Variants in DSG1 observed in about 807,000 individuals in gnomAD.
DSG1 encodes the protein desmoglein-1.
Under a neutral mutation model 97.5 loss-of-function variants are expected in DSG1, and 39 were observed. The observed-to-expected ratio is 0.40, with a 90% CI of 0.31 to 0.52. The LOEUF (loss-of-function observed/expected upper bound fraction) is 0.52. DSG1 is among the 20% of genes least tolerant of loss of function. The pLI is 0.53. For missense variants in DSG1, 1,311 were observed against 1,295.4 expected, an observed-to-expected ratio of 1.01 and a Z score of -0.18; for synonymous variants, 475 against 443.4, an observed-to-expected ratio of 1.07 and a Z score of -0.90.
Position 31,336,523 on chromosome 18 carries a change from A to G in DSG1, c.1175A>G (p.Tyr392Cys), listed in dbSNP as rs2071754563. Residue 392 changes from tyrosine (Y) to cysteine (C), a missense_variant, in exon 9 of 15, where the codon TAT becomes TGT. Tyr to Cys is a radical substitution (Grantham distance 194). Transcript: ENST00000257192. ...GPVFRPGSKT[Y>C]VVTGNMGSND... Reference sequence around the variant, plus strand: ...GTGTTTCGTCCAGGTTCAAAGACATATGTTGTAACTGGTAATATGGGATCA... The same window carrying G: ...GTGTTTCGTCCAGGTTCAAAGACATGTGTTGTAACTGGTAATATGGGATCA... 6.2e-7 allele frequency: 1 copy of G among 1,613,996 alleles called. No homozygotes were observed. Among genetic ancestry groups the G allele is most frequent in the Non-Finnish European group, 8.5e-7 (1 of 1,179,906 alleles).
rs2071981815 is a variant in DSG1 at position 31,359,114 on chromosome 18, T to C, written c.*3768T>C. Among the ~76,000 whole-genome samples, 1 of 152,184 alleles carries C rather than the reference T, an allele frequency of 6.6e-6. No homozygotes were observed. The highest frequency in any genetic ancestry group is 2.4e-5 in the African/African-American group (1 of 41,460). On this transcript the variant is annotated 3_prime_UTR_variant, in exon 15 of 15. Transcript: ENST00000257192. ...TGGTGGTGTTTAACACAAGGTTCTC[T>C]TATTCAAGTTTCAATATAAAAGTTT...
At chr18:31,338,206 C>A in intron 9 of DSG1, 109 bp from the exon 10 acceptor site, 1 of 1,167,270 alleles carries the variant, frequency 8.6e-7, no homozygotes, top group South Asian at 1.4e-5. Flanking sequence ...TAATTGAAAA[C>A]TGTATCTAGG....
chr18:31,342,784 A>T (rs2071798049), intron 11 of DSG1, among the ~76,000 whole-genome samples: 1 of 152,210 alleles, frequency 6.6e-6, no homozygotes, highest in Non-Finnish European at 1.5e-5. Flanking sequence ...AGAGAACACA[A>T]AGGATCAAAT....
intron 1 of DSG1, among the ~76,000 whole-genome samples, chr18:31,319,289 A>T (rs2071639436): frequency 6.6e-6 from 1 of 152,172 alleles, no homozygotes; most frequent in Non-Finnish European, 1.5e-5. Flanking sequence ...GCTTGGCAGG[A>T]TGTATAGTGC....
intron 11 of DSG1, among the ~76,000 whole-genome samples, chr18:31,341,099 G>T (rs944647417): frequency 6.6e-6 from 1 of 152,194 alleles, no homozygotes; most frequent in Non-Finnish European, 1.5e-5. Context: ...TCTCCAGGTG[G>T]CTGTTAACAT....
intron 14 of DSG1, among the ~76,000 whole-genome samples, chr18:31,349,205 C>T (rs1431594026): frequency 7.2e-6 from 1 of 138,108 alleles, no homozygotes; most frequent in Admixed American, 7.3e-5. Flanking sequence ...TTTCCCAGCA[C>T]CATTTATTAA....
At chr18:31,319,058 C>A (rs767257956) in intron 1 of DSG1, among the ~76,000 whole-genome samples, 2 of 151,988 alleles carry the variant, frequency 1.3e-5, no homozygotes, top group African/African-American at 4.8e-5. Flanking sequence ...GTGATGACTG[C>A]GATATAAAAG....
chr18:31,343,819 T>A (rs1417688376), intron 12 of DSG1, 107 bp from the exon 13 acceptor site: 51 of 1,181,708 alleles, frequency 4.3e-5, no homozygotes, highest in Non-Finnish European at 6.0e-5. Flanking sequence ...AATAGTATTT[T>A]TTTTTTAGGA....
At chr18:31,337,105 ACT>A (rs997303149) in intron 9 of DSG1, among the ~76,000 whole-genome samples, 11 of 152,120 alleles carry the variant, frequency 7.2e-5, no homozygotes, top group Admixed American at 7.2e-4. Flanking sequence ...ATTTTTTAAA[ACT>A]CTATATATGC....
In DSG1 at chr18:31,358,409, A is replaced by T. The variant is rs2071976557; in HGVS notation, c.*3063A>T. Among the ~76,000 whole-genome samples the T allele has an allele frequency of 6.6e-6, 1 of 152,098 alleles. No individual in the cohort carries two copies. The highest frequency in any genetic ancestry group is 1.5e-5 in the Non-Finnish European group (1 of 67,930). On this transcript the variant is annotated 3_prime_UTR_variant, in exon 15 of 15. Coordinates refer to ENST00000257192, the MANE Select transcript of DSG1 (RefSeq NM_001942.4). ...AAAAAGTACATATTTAGGGTTATTT[A>T]TATATCTTCATCTAGACATCTGTTC...
chr18:31,346,711 T>C (rs57920047), intron 14 of DSG1, among the ~76,000 whole-genome samples: 25 of 152,194 alleles, frequency 1.6e-4, no homozygotes, highest in African/African-American at 6.0e-4. Context: ...ATAGGATTAA[T>C]GTTTTCTCAT....
At position 31,326,536 on chromosome 18, in the gene DSG1, C is replaced by G. The variant is rs2071686920; in HGVS notation, c.49-45C>G. ...TAACTGGATAATATAAATTTTAAAG[C>G]ATTTAATTAAAAAATAACTAGTGTG... On this transcript the variant is annotated intron_variant, in intron 1 of 14. Transcript: ENST00000257192. 3.6e-6 allele frequency: 5 copies of G among 1,381,904 alleles called. No homozygotes were observed. The East Asian group carries it at 1.2e-4, about 32-fold the overall frequency. The allele number at this position is 1,381,904 out of a possible 1,614,324, so 85.6% of individuals were successfully genotyped here. A position where few individuals can be genotyped will look rare whatever the true frequency, so the allele number is the denominator to read the frequency against.
intron 13 of DSG1, among the ~76,000 whole-genome samples, chr18:31,344,809 T>C (rs896723716): frequency 2.0e-5 from 3 of 152,240 alleles, no homozygotes; most frequent in Non-Finnish European, 4.4e-5. Context: ...TGTATCACAT[T>C]ACTTTTCTCA....
intron 1 of DSG1, among the ~76,000 whole-genome samples, chr18:31,325,890 A>G (rs1598697965): frequency 6.6e-6 from 1 of 152,292 alleles, no homozygotes; most frequent in East Asian, 1.9e-4. Flanking sequence ...AAATGGAGAT[A>G]GTATTAGTGG....
intron 2 of DSG1, 72 bp downstream of exon 2, chr18:31,326,688 T>C: frequency 7.1e-7 from 1 of 1,417,704 alleles, no homozygotes; most frequent in South Asian, 1.2e-5. Context: ...ATATGTTTTC[T>C]GAAGAAAATG....
At chr18:31,327,285 TAAAG>T (rs774969784) in intron 3 of DSG1, among the ~76,000 whole-genome samples, 7 of 152,214 alleles carry the variant, frequency 4.6e-5, no homozygotes, top group Non-Finnish European at 8.8e-5. Context: ...ATTATTTTAA[TAAAG>T]AATTTGGCTT....
chr18:31,339,647 C>T, intron 10 of DSG1, 97 bp from the exon 11 acceptor site: 2 of 942,374 alleles, frequency 2.1e-6, no homozygotes. Context: ...AATAAAGACA[C>T]TGAAATAAAT....
chr18:31,337,095 A>C (rs1173121164), intron 9 of DSG1, among the ~76,000 whole-genome samples: 1 of 152,204 alleles, frequency 6.6e-6, no homozygotes, highest in East Asian at 1.9e-4. Flanking sequence ...ACACCATGTA[A>C]TTTTTTAAAA....
Position 31,355,545 on chromosome 18 carries a change from T to G in DSG1, c.*199T>G. 3.2e-6 allele frequency: 2 copies of G among 627,806 alleles called. No homozygotes were observed. The highest frequency in any genetic ancestry group is 5.6e-6 in the Non-Finnish European group (2 of 360,310). 38.9% of individuals were successfully genotyped at this position (627,806 alleles called of 1,614,324 possible). On this transcript the variant is annotated 3_prime_UTR_variant, in exon 15 of 15. Transcript: ENST00000257192. ...TCCTTAGCATTCATAAACTTTTCTC[T>G]TATATTAGGACTAAGGAACTAAAAC...
Sources: allele counts gnomAD v4.1 joint callset (sites outside exome capture counted in the v4.1 genomes callset), GRCh38; gene constraint gnomAD v4.1.1; transcripts MANE v1.5; gene names NCBI Gene and HGNC (gene_info 2026-07-23, HGNC 2026-07-21).